Variants in SMC6 observed in about 807,000 individuals in gnomAD.
SMC6 encodes structural maintenance of chromosomes protein 6.
Under a neutral mutation model 142.2 loss-of-function variants are expected in SMC6, and 79 were observed. The observed-to-expected ratio is 0.56, with a 90% confidence interval of 0.46 to 0.67. SMC6 has a LOEUF of 0.67. SMC6 is among the 30% of genes least tolerant of loss of function. The pLI, the probability that SMC6 is intolerant of heterozygous loss-of-function variation, is 0.00. For synonymous variants in SMC6, 411 were observed against 412.4 expected (o/e 1.00, Z 0.04); for missense variants, 1,072 against 1,284.0 (o/e 0.83, Z 2.52).
chr2:17,731,597 C>T (rs1669915642), intron 6 of SMC6, 144 bp downstream of exon 6: 13 of 696,786 alleles, frequency 1.9e-5, no homozygotes, highest in South Asian at 1.8e-4. Flanking sequence ...AACATATGCA[C>T]GTGTGTGTGT....
At chr2:17,748,196 A>C (rs543240155) in intron 2 of SMC6, among the ~76,000 whole-genome samples, 1 of 152,216 alleles carries the variant, frequency 6.6e-6, no homozygotes, top group South Asian at 2.1e-4. Flanking sequence ...CAAGATCTAC[A>C]TCTCCTGGGA....
In SMC6 at chr2:17,725,346, C is replaced by T. The variant is rs765223914; in HGVS notation, c.637G>A (p.Ala213Thr). 4 of 1,597,234 alleles carry T rather than the reference C, an allele frequency of 2.5e-6. No homozygotes were observed. Among genetic ancestry groups the T allele is most frequent in the South Asian group, 2.3e-5 (2 of 87,904 alleles). The stretch of plus-strand genomic sequence containing the variant: ...TCCTTCATCTGTTCAAGTTGCGTTG[C>T]TTTCATGAAGAACTATTATCAATAA... ...EGDKYKFFMK[A>T]TQLEQMKEDY... The change falls in exon 9 of 28, where the codon GCA (alanine) becomes ACA (threonine). Residue 213 changes from alanine to threonine, a missense_variant. Physicochemically the swap from Ala to Thr is moderately conservative, Grantham distance 58 (BLOSUM62 0). Coordinates refer to ENST00000448223, the MANE Select transcript of SMC6 (RefSeq NM_001142286.2).
chr2:17,665,205 T>C lies in SMC6; in HGVS notation c.*294A>G. 5.0e-6 allele frequency: 1 copy of C among 198,120 alleles called. No homozygotes were observed. The highest frequency in any genetic ancestry group is 1.0e-5 in the Non-Finnish European group (1 of 98,606). The allele number at this position is 198,120 out of a possible 1,614,324, so 12.3% of individuals were successfully genotyped here. A position where few individuals can be genotyped will look rare whatever the true frequency, so the allele number is the denominator to read the frequency against. ...AAACAGATATGTACATGTATATATG[T>C]ACAAAATTTTACTTCTGAAAAAGAA... On this transcript the variant is annotated 3_prime_UTR_variant, in exon 28 of 28. Transcript: ENST00000448223.
At chr2:17,743,075 T>C (rs1051822698) in intron 3 of SMC6, among the ~76,000 whole-genome samples, 1 of 152,234 alleles carries the variant, frequency 6.6e-6, no homozygotes, top group East Asian at 1.9e-4. Context: ...TAATTCTCTG[T>C]TGTTGCCTAT....
chr2:17,683,752 T>C lies in SMC6; in HGVS notation c.2690A>G (p.Glu897Gly). 4 of 1,609,840 alleles carry C rather than the reference T, an allele frequency of 2.5e-6. No individual in the cohort carries two copies. Among genetic ancestry groups the C allele is most frequent in the Non-Finnish European group, 2.5e-6 (3 of 1,177,704 alleles). Residue 897 changes from glutamate (E) to glycine (G), a missense_variant, in exon 24 of 28, where the codon GAA (glutamate) becomes GGA (glycine). Glu to Gly is a moderately conservative substitution (Grantham distance 98). Coordinates refer to ENST00000448223, the MANE Select transcript of SMC6 (RefSeq NM_001142286.2). Reference protein sequence around the residue: ...DREEIMRQYQEARETYLDLDS... With the variant: ...DREEIMRQYQGARETYLDLDS... ...CAGATCAAGATAGGTCTCTCTTGCT[T>C]CTTGGTACTGCCTATTATATAAACA... is the stretch of plus-strand genomic sequence containing the variant.
chr2:17,721,765 G>A (rs1001761852), intron 9 of SMC6, among the ~76,000 whole-genome samples: 3 of 149,582 alleles, frequency 2.0e-5, no homozygotes, highest in Non-Finnish European at 4.4e-5. Context: ...GCACAATCTC[G>A]GCTCACTGCA....
rs909639394 is a variant in SMC6 at position 17,705,076 on chromosome 2, G to A, written c.2007-1784C>T. On this transcript the variant is annotated intron_variant, in intron 18 of 27. Transcript: ENST00000448223. ...GTTCGAGACCAGCCTGATCAATATG[G>A]TGAAACCTTGTCTCTACCAAAAAGT... 3.9e-5 allele frequency among the ~76,000 whole-genome samples: 6 copies of A among 152,014 alleles called. No individual in the cohort carries two copies. In the East Asian group the frequency reaches 1.2e-3, roughly 29 times the overall value.
At chr2:17,726,490 T>G (rs1265428051) in intron 7 of SMC6, 21 bp from the exon 8 acceptor site, 2 of 1,584,906 alleles carry the variant, frequency 1.3e-6, no homozygotes, top group Admixed American at 1.7e-5. Context: ...CAAAAAGTCA[T>G]TTTTGAATAT....
intron 3 of SMC6, among the ~76,000 whole-genome samples, chr2:17,742,440 C>T (rs576799044): frequency 6.6e-6 from 1 of 152,176 alleles, no homozygotes; most frequent in Non-Finnish European, 1.5e-5. Context: ...ATTTCCTATA[C>T]TATAAATATT....
At chr2:17,668,340 G>A (rs1438302144) in intron 26 of SMC6, among the ~76,000 whole-genome samples, 1 of 152,084 alleles carries the variant, frequency 6.6e-6, no homozygotes, top group African/African-American at 2.4e-5. Flanking sequence ...GAAAAAAATT[G>A]ACACTGAACT....
intron 24 of SMC6, among the ~76,000 whole-genome samples, chr2:17,683,037 G>A (rs1270323393): frequency 1.3e-5 from 2 of 152,066 alleles, no homozygotes; most frequent in Non-Finnish European, 2.9e-5. Context: ...TTAAAGGACC[G>A]TCCCTCCCTA....
chr2:17,740,777 G>GAGGC, intron 4 of SMC6: 1 of 427,384 alleles, frequency 2.3e-6, no homozygotes, highest in Non-Finnish European at 4.7e-6. Flanking sequence ...TTGAACCTGG[G>GAGGC]AGGCAGAGGT....
In SMC6 at chr2:17,714,863, G is replaced by A; in HGVS notation, c.1728C>T (p.His576=). 4.3e-6 allele frequency: 7 copies of A among 1,611,276 alleles called. No individual in the cohort carries two copies. The highest frequency in any genetic ancestry group is 5.9e-6 in the Non-Finnish European group (7 of 1,179,336). Reference sequence around the variant, plus strand: ...ATATTCAATTACTAATGCCTTACCTGTGTCTTACATCATATATCTCATTCC... The same window carrying A: ...ATATTCAATTACTAATGCCTTACCTATGTCTTACATCATATATCTCATTCC... ...EFRNEIYDVR[H]RAAYHPDFPT... is the part of the protein sequence containing the mutation. The change falls in exon 16 of 28, where the codon CAC becomes CAT. Residue 576 remains histidine (H), a splice_region_variant and synonymous_variant. Coordinates refer to ENST00000448223, the MANE Select transcript of SMC6 (RefSeq NM_001142286.2).
intron 11 of SMC6, 99 bp downstream of exon 11, chr2:17,720,841 A>G: frequency 1.0e-6 from 1 of 982,982 alleles, no homozygotes; most frequent in Non-Finnish European, 1.5e-6. Context: ...AGACAAATAT[A>G]CTGTCTGAAA....
rs777531710 is a variant in SMC6, at chr2:17,670,582, G to A, written c.2911-7C>T. ...TTCCTTCTCCAGGCTGAACCTTGAA[G>A]AGAATGAGTTGACAAGGAACAAAAA... is the stretch of plus-strand genomic sequence containing the variant. On this transcript the variant is annotated splice_region_variant and splice_polypyrimidine_tract_variant and intron_variant, in intron 25 of 27. Coordinates refer to ENST00000448223, the MANE Select transcript of SMC6 (RefSeq NM_001142286.2). The A allele has an allele frequency of 3.9e-6, 6 of 1,526,884 alleles. No individual in the cohort carries two copies. In the Admixed American group the frequency reaches 1.2e-4, roughly 31 times the overall value. 94.6% of individuals were successfully genotyped at this position (1,526,884 alleles called of 1,614,324 possible). A position where few individuals can be genotyped will look rare whatever the true frequency, so the allele number is the denominator to read the frequency against.
At chr2:17,729,480 C>T (rs1403457245) in intron 7 of SMC6, among the ~76,000 whole-genome samples, 1 of 152,144 alleles carries the variant, frequency 6.6e-6, no homozygotes, top group Non-Finnish European at 1.5e-5. Flanking sequence ...ATACAGCTGT[C>T]CACAGAAGAA....
At chr2:17,711,459 A>G (rs995705651) in intron 16 of SMC6, among the ~76,000 whole-genome samples, 5 of 152,208 alleles carry the variant, frequency 3.3e-5, no homozygotes. Flanking sequence ...CTAGTCAAGT[A>G]TAATAGGCCT....
intron 2 of SMC6, among the ~76,000 whole-genome samples, chr2:17,750,451 A>T (rs1009402041): frequency 6.6e-6 from 1 of 152,188 alleles, no homozygotes; most frequent in Non-Finnish European, 1.5e-5. Context: ...ATTTTTACAA[A>T]AGGAGAGACT....
rs2124996862 is a variant in SMC6 at position 17,716,169 on chromosome 2, C to A, written c.1442G>T (p.Gly481Val). The A allele has an allele frequency of 6.2e-7, 1 of 1,612,468 alleles. No individual in the cohort carries two copies. The highest frequency in any genetic ancestry group is 8.5e-7 in the Non-Finnish European group (1 of 1,179,512). The change falls in exon 15 of 28, where the codon GGC becomes GTC. Residue 481 changes from glycine (G) to valine (V), a missense_variant. Gly to Val is a moderately radical substitution (Grantham distance 109, BLOSUM62 -3). Coordinates refer to ENST00000448223, the MANE Select transcript of SMC6 (RefSeq NM_001142286.2). The part of the protein sequence containing the change: ...DSKTDRLKRF[G>V]PNVPALLEAI... The stretch of plus-strand genomic sequence containing the variant: ...TTCAAGAAGAGCTGGAACATTAGGG[C>A]CAAATCTTTTGAGTCGATCAGTTTT...
Sources: gnomAD v4.1 joint callset for allele counts (sites outside exome capture counted in the v4.1 genomes callset) on GRCh38, gnomAD v4.1.1 for gene constraint, MANE v1.5 for transcripts, NCBI Gene and HGNC (gene_info 2026-07-23, HGNC 2026-07-21) for gene names.